OR4P4: variants seen among roughly 807,000 people sequenced by gnomAD.
The protein encoded by OR4P4 is olfactory receptor 4P4.
In OR4P4, 1 loss-of-function variant was observed where a neutral mutation model predicts 2.1. The ratio of observed to expected loss-of-function variants is 0.47; its 90% confidence interval spans 0.17 to 2.21. OR4P4 has a LOEUF of 2.21. Ranked by LOEUF, OR4P4 falls within the 30% of genes most tolerant of loss-of-function variation. The probability of loss-of-function intolerance (pLI) is 0.27; values close to 1 mark genes in which losing one functional copy is unlikely to be tolerated. For missense variants in OR4P4, 375 were observed against 376.5 expected (o/e 1.00, Z 0.03); for synonymous variants, 129 against 133.2 (o/e 0.97, Z 0.22).
chr11:55,635,333 C>CATTT (rs1257103623), intron 1 of OR4P4, 117 bp downstream of exon 1: 2 of 137,626 alleles, frequency 1.5e-5, no homozygotes, highest in Middle Eastern at 3.8e-3. Context: ...TTTTGCCTGG[C>CATTT]ATTTGAGCTT....
rs548442462 is a variant in OR4P4 at position 55,637,716 on chromosome 11, G to T, written c.-30-612G>T. On this transcript the variant is annotated intron_variant, in intron 1 of 1. Transcript: ENST00000641760. ...TGGTAAGAATTAATTAAAATATTTT[G>T]ATGTAATATTATTTTTAGAAAGCAA... Among the ~76,000 whole-genome samples, 55 of 137,856 alleles carry T rather than the reference G, an allele frequency of 4.0e-4. 1 individual carries two copies. Among genetic ancestry groups the T allele is most frequent in the African/African-American group, 1.3e-3 (52 of 40,020 alleles). The allele number at this position is 137,856 out of a possible 152,430, so 90.4% of individuals were successfully genotyped here.
At chr11:55,639,159 G>C (rs747626907) in exon 2 of OR4P4, 2 of 1,493,092 alleles carry the variant, frequency 1.3e-6, no homozygotes, top group South Asian at 2.4e-5. Context: ...AGAAGATAAA[G>C]TGTTTGCCCT....
chr11:55,639,115 T>A lies in OR4P4; in HGVS notation c.758T>A (p.Leu253Ter). Residue 253 changes from leucine to a stop codon, truncating the protein, a stop_gained, in exon 2 of 2, where the codon TTG becomes TAG. Transcript: ENST00000641760. LOFTEE classifies it low-confidence loss of function (END_TRUNC). ...GTGGTCCTGTTTTTTGCACCTGCAT[T>A]GTTCATTTACATTAGACCGGTCACA... 1 of 1,494,002 alleles carries A rather than the reference T, an allele frequency of 6.7e-7. No individual in the cohort carries two copies. The allele number at this position is 1,494,002 out of a possible 1,614,324, so 92.5% of individuals were successfully genotyped here. A position where few individuals can be genotyped will look rare whatever the true frequency, so the allele number is the denominator to read the frequency against.
rs758022120 is a variant in OR4P4 at position 55,638,346 on chromosome 11, C to T, written c.-12C>T. 1.7e-5 allele frequency: 21 copies of T among 1,203,092 alleles called. 2 individuals are homozygous for T. Among genetic ancestry groups the T allele is most frequent in the Non-Finnish European group, 2.4e-5 (21 of 870,500 alleles). 74.5% of individuals were successfully genotyped at this position (1,203,092 alleles called of 1,614,324 possible). ...ATTTCAGGTGACTTATATGTTCTATCTACACTGGACCATGGAAAAAAGCAA... is the reference window on the plus strand; with the variant it reads ...ATTTCAGGTGACTTATATGTTCTATTTACACTGGACCATGGAAAAAAGCAA... On this transcript the variant is annotated 5_prime_UTR_variant, in exon 2 of 2. Transcript: ENST00000641760.
Position 55,637,598 on chromosome 11 carries a change from G to C in OR4P4, c.-30-730G>C, listed in dbSNP as rs1463371663. On this transcript the variant is annotated intron_variant, in intron 1 of 1. Coordinates refer to ENST00000641760, the Ensembl canonical transcript of OR4P4. ...CAATGTTAACTTGGTAACATGGAGAGATGAGGAAGAAATTTAAGGGGGTTT... is the reference window on the plus strand; with the variant it reads ...CAATGTTAACTTGGTAACATGGAGACATGAGGAAGAAATTTAAGGGGGTTT... Among the ~76,000 whole-genome samples the C allele has an allele frequency of 4.4e-5, 6 of 137,690 alleles. 1 individual carries two copies. The highest frequency in any genetic ancestry group is 9.7e-5 in the Non-Finnish European group (6 of 61,894). 90.3% of individuals were successfully genotyped at this position (137,690 alleles called of 152,430 possible).
Position 55,639,004 on chromosome 11 carries a change from A to G in OR4P4, c.647A>G (p.Tyr216Cys), listed in dbSNP as rs1348535277. The change falls in exon 2 of 2, where the codon TAT becomes TGT. Residue 216 changes from tyrosine (Y) to cysteine (C), a missense_variant. Coordinates refer to ENST00000641760, the Ensembl canonical transcript of OR4P4. ...ACATTTGTTGTCTTGTTGTTGTCTT[A>G]TGTTTTTATATTGTATACCATCAGA... 5.4e-6 allele frequency: 8 copies of G among 1,490,428 alleles called. 2 individuals are homozygous for G. Among genetic ancestry groups the G allele is most frequent in the Non-Finnish European group, 7.3e-6 (8 of 1,097,008 alleles). 92.3% of individuals were successfully genotyped at this position (1,490,428 alleles called of 1,614,324 possible). A position where few individuals can be genotyped will look rare whatever the true frequency, so the allele number is the denominator to read the frequency against.
rs1220933816 is a variant in OR4P4, at chr11:55,640,185, C to A, written c.*889C>A. On this transcript the variant is annotated 3_prime_UTR_variant, in exon 2 of 2. Transcript: ENST00000641760. ...ATAATAATAATAATAATGTTTTTATCTTTTCTTGTACTTTGAAGAGTAAGA... is the reference window on the plus strand; with the variant it reads ...ATAATAATAATAATAATGTTTTTATATTTTCTTGTACTTTGAAGAGTAAGA... 3 of 134,974 alleles carry A rather than the reference C, an allele frequency of 2.2e-5. 1 individual carries two copies. Among genetic ancestry groups the A allele is most frequent in the African/African-American group, 7.6e-5 (3 of 39,234 alleles). 8.4% of individuals were successfully genotyped at this position (134,974 alleles called of 1,614,324 possible).
At chr11:55,638,875 A>G in exon 2 of OR4P4, 1 of 1,494,054 alleles carries the variant, frequency 6.7e-7, no homozygotes, top group Non-Finnish European at 9.1e-7. Context: ...AATGAGATAG[A>G]TCACTACTTC....
intron 1 of OR4P4, among the ~76,000 whole-genome samples, chr11:55,637,889 C>T (rs763117250): frequency 7.3e-6 from 1 of 137,646 alleles, no homozygotes; most frequent in South Asian, 2.4e-4. Flanking sequence ...ATGCTTAGTG[C>T]TATGGTTAAT....
intron 1 of OR4P4, among the ~76,000 whole-genome samples, chr11:55,637,007 T>C (rs1858396168): frequency 7.3e-6 from 1 of 137,860 alleles, no homozygotes; most frequent in Non-Finnish European, 1.6e-5. Flanking sequence ...AGCACTAACA[T>C]TGTAGTAGTT....
At chr11:55,635,794 T>A (rs1858379859) in intron 1 of OR4P4, among the ~76,000 whole-genome samples, 1 of 137,692 alleles carries the variant, frequency 7.3e-6, no homozygotes, top group Non-Finnish European at 1.6e-5. Flanking sequence ...TGTTAAGAAA[T>A]CATATTAAGC....
chr11:55,635,198 T>A lies in OR4P4; in HGVS notation c.-49T>A, dbSNP rs190230946. The A allele has an allele frequency of 1.5e-5, 2 of 137,886 alleles. 1 individual carries two copies. The highest frequency in any genetic ancestry group is 3.2e-5 in the Non-Finnish European group (2 of 61,616). The allele number at this position is 137,886 out of a possible 1,614,324, so 8.5% of individuals were successfully genotyped here. A position where few individuals can be genotyped will look rare whatever the true frequency, so the allele number is the denominator to read the frequency against. ...AAGTTACATGCTCTGGTAACGTGGGTCTAAGAGGATGCTAATTGGTGAGTT... is the reference window on the plus strand; with the variant it reads ...AAGTTACATGCTCTGGTAACGTGGGACTAAGAGGATGCTAATTGGTGAGTT... On this transcript the variant is annotated 5_prime_UTR_variant, in exon 1 of 2. Transcript: ENST00000641760.
exon 2 of OR4P4, chr11:55,638,772 T>C: frequency 6.7e-7 from 1 of 1,492,898 alleles, no homozygotes; most frequent in Non-Finnish European, 9.1e-7. Flanking sequence ...CAGGCAAAAG[T>C]GTAACACAAT....
chr11:55,635,371 C>T (rs1858375831), intron 1 of OR4P4, among the ~76,000 whole-genome samples, 155 bp downstream of exon 1: 1 of 137,800 alleles, frequency 7.3e-6, no homozygotes, highest in Non-Finnish European at 1.6e-5. Context: ...ACTTGGTTCT[C>T]TTTGGACTAT....
intron 1 of OR4P4, among the ~76,000 whole-genome samples, chr11:55,637,943 C>T (rs1383591989): frequency 2.2e-5 from 3 of 138,392 alleles, no homozygotes; most frequent in African/African-American, 5.0e-5. Flanking sequence ...ATTTGTATGA[C>T]TTGTTTCCTT....
At position 55,638,574 on chromosome 11, in the gene OR4P4, T is replaced by C. The variant is rs1858417237; in HGVS notation, c.217T>C (p.Ser73Pro). 3 of 1,479,866 alleles carry C rather than the reference T, an allele frequency of 2.0e-6. No individual in the cohort carries two copies. Among genetic ancestry groups the C allele is most frequent in the Non-Finnish European group, 9.2e-7 (1 of 1,087,194 alleles). 91.7% of individuals were successfully genotyped at this position (1,479,866 alleles called of 1,614,324 possible). ...CTCACTCTCCGACCTTTGCTACACATCCACAGTGACCCCCAAATTAATGGT... is the reference window on the plus strand; with the variant it reads ...CTCACTCTCCGACCTTTGCTACACACCCACAGTGACCCCCAAATTAATGGT... Residue 73 changes from serine (S) to proline (P), a missense_variant, in exon 2 of 2, where the codon TCC becomes CCC. Transcript: ENST00000641760.
rs1565073452 is a variant in OR4P4, at chr11:55,638,680, T to A, written c.323T>A (p.Ile108Lys). The change falls in exon 2 of 2, where the codon ATA becomes AAA. Residue 108 changes from isoleucine to lysine, a missense_variant. Coordinates refer to ENST00000641760, the Ensembl canonical transcript of OR4P4. ...TTTACCACCCATTTTTTTGGAGGCA[T>A]AGAGATCTTCATTCTCACAGGGATG... is the stretch of plus-strand genomic sequence containing the variant. 1.3e-5 allele frequency: 19 copies of A among 1,491,836 alleles called. 3 individuals are homozygous for A. The highest frequency in any genetic ancestry group is 1.4e-5 in the Non-Finnish European group (15 of 1,096,248). 92.4% of individuals were successfully genotyped at this position (1,491,836 alleles called of 1,614,324 possible).
intron 1 of OR4P4, among the ~76,000 whole-genome samples, 169 bp downstream of exon 1, chr11:55,635,385 T>G (rs1048193227): frequency 1.4e-5 from 2 of 137,938 alleles, no homozygotes; most frequent in African/African-American, 5.0e-5. Flanking sequence ...GGACTATGAT[T>G]TGAGTAGTTT....
exon 2 of OR4P4, chr11:55,639,141 A>G: frequency 6.7e-7 from 1 of 1,493,968 alleles, no homozygotes; most frequent in Non-Finnish European, 9.1e-7. Context: ...ACCGGTCACA[A>G]CATTCTCAGA....
Sources: gnomAD v4.1 joint callset for allele counts (sites outside exome capture counted in the v4.1 genomes callset) on GRCh38, gnomAD v4.1.1 for gene constraint, MANE v1.5 for transcripts, NCBI Gene and HGNC (gene_info 2026-07-23, HGNC 2026-07-21) for gene names.